Variants in PTGER3 observed in about 807,000 individuals in gnomAD.
PTGER3 encodes prostaglandin E receptor 3.
Under a neutral mutation model 34.7 loss-of-function variants are expected in PTGER3, and 22 were observed. That is an observed-to-expected ratio of 0.63 (90% confidence interval 0.45 to 0.91). PTGER3 has a LOEUF of 0.91. Among genes scored for constraint, PTGER3 ranks in the 40% least tolerant of loss-of-function variants. The pLI is 0.00. For synonymous variants in PTGER3, 241 were observed against 230.1 expected (o/e 1.05, Z -0.43); for missense variants, 468 against 519.4 (o/e 0.90, Z 0.96).
chr1:70,983,267 A>G (rs574247213), intron 2 of PTGER3, among the ~76,000 whole-genome samples: 3 of 134,614 alleles, frequency 2.2e-5, no homozygotes, highest in South Asian at 5.3e-4. Flanking sequence ...GATGTGCTTG[A>G]GTTTTTTAAT....
Position 70,902,165 on chromosome 1 carries a change from CA to C in PTGER3, c.*24-49307del, listed in dbSNP as rs558189258. On this transcript the variant is annotated intron_variant, in intron 4 of 4. Coordinates refer to the PTGER3 transcript ENST00000370931. ...AAAATAACAATAATTACTGCCACCA[CA>C]ATAATAATAATAAAGAAATGTCCAA... Among the ~76,000 whole-genome samples the C allele has an allele frequency of 2.5e-3, 380 of 152,202 alleles. 3 individuals carry two copies. Among genetic ancestry groups the C allele is most frequent in the African/African-American group, 8.3e-3 (346 of 41,538 alleles).
downstream of PTGER3, among the ~76,000 whole-genome samples, chr1:70,947,647 A>G (rs543869120): frequency 1.1e-4 from 17 of 152,246 alleles, no homozygotes; most frequent in South Asian, 2.1e-4. Flanking sequence ...TAACCTTCAC[A>G]TCGGACAATG....
intron 4 of PTGER3, among the ~76,000 whole-genome samples, chr1:70,890,111 A>G (rs918808755): frequency 1.3e-5 from 2 of 152,224 alleles, no homozygotes; most frequent in African/African-American, 4.8e-5. Context: ...TACACAGACC[A>G]CTAGACAAGG....
chr1:71,028,677 C>T (rs1218791124), intron 1 of PTGER3, among the ~76,000 whole-genome samples: 1 of 152,058 alleles, frequency 6.6e-6, no homozygotes, highest in Non-Finnish European at 1.5e-5. Flanking sequence ...CTTTAAACAC[C>T]AGGCATTAGA....
intron 2 of PTGER3, among the ~76,000 whole-genome samples, chr1:70,975,620 G>A (rs1389659827): frequency 6.6e-6 from 1 of 152,090 alleles, no homozygotes; most frequent in African/African-American, 2.4e-5. Flanking sequence ...ATCTTTAACT[G>A]TGTTAAGCAA....
At chr1:70,906,625 A>G (rs756461880) in intron 4 of PTGER3, among the ~76,000 whole-genome samples, 15 of 152,184 alleles carry the variant, frequency 9.9e-5, no homozygotes, top group South Asian at 4.1e-4. Flanking sequence ...AAATTACTTT[A>G]AAATAGGAAT....
At chr1:70,880,387 T>C (rs1048786440) in intron 4 of PTGER3, among the ~76,000 whole-genome samples, 4 of 151,750 alleles carry the variant, frequency 2.6e-5, no homozygotes, top group African/African-American at 9.7e-5. Flanking sequence ...TTTTTCTTTT[T>C]TTTTTTTTTA....
intron 2 of PTGER3, among the ~76,000 whole-genome samples, chr1:70,954,531 G>A (rs753319488): frequency 1.3e-5 from 2 of 152,084 alleles, no homozygotes; most frequent in African/African-American, 2.4e-5. Context: ...CTGCAAATGG[G>A]CATTAAGATC....
chr1:71,019,410 G>A (rs573657380), intron 1 of PTGER3, among the ~76,000 whole-genome samples: 1 of 152,206 alleles, frequency 6.6e-6, no homozygotes, highest in African/African-American at 2.4e-5. Flanking sequence ...CCTTCCCTGG[G>A]TTCCACGTGA....
At chr1:71,025,974 C>T (rs1169418127) in intron 1 of PTGER3, among the ~76,000 whole-genome samples, 2 of 152,132 alleles carry the variant, frequency 1.3e-5, no homozygotes, top group Non-Finnish European at 2.9e-5. Context: ...GTGAATCTGG[C>T]ATTGTGTGAT....
intron 1 of PTGER3, among the ~76,000 whole-genome samples, chr1:71,024,873 TTTTATTTATTTATTTA>T (rs139278168): frequency 0.11 from 16,305 of 144,900 alleles, 1,235 homozygotes; most frequent in East Asian, 0.23. Flanking sequence ...TACTTGATTC[TTTTATTTATTTATTTA>T]TTTATTTATT....
intron 4 of PTGER3, among the ~76,000 whole-genome samples, chr1:70,921,178 TA>T (rs1032111297): frequency 4.1e-4 from 63 of 152,214 alleles, no homozygotes; most frequent in African/African-American, 1.5e-3. Context: ...TTAAAAAAAT[TA>T]GGAAAGTCTT....
Position 70,960,303 on chromosome 1 carries a change from T to G in PTGER3, c.1078-6514A>C, listed in dbSNP as rs528208184. ...TTTCTTCACAGTTGTGCCAGAAAAT[T>G]GTCTCATTAGCTGATTAGTGACTCC... On this transcript the variant is annotated intron_variant, in intron 2 of 3. Coordinates refer to the PTGER3 transcript ENST00000356595. Among the ~76,000 whole-genome samples, 147 of 152,306 alleles carry G rather than the reference T, an allele frequency of 9.7e-4. 1 individual carries two copies. The highest frequency in any genetic ancestry group is 3.3e-3 in the African/African-American group (138 of 41,560).
At chr1:70,941,303 C>A (rs1231466362) in intron 4 of PTGER3, among the ~76,000 whole-genome samples, 1 of 152,074 alleles carries the variant, frequency 6.6e-6, no homozygotes, top group Non-Finnish European at 1.5e-5. Context: ...TAAACCACTG[C>A]TTTCATAATT....
chr1:70,978,786 G>A (rs976198599), intron 2 of PTGER3, among the ~76,000 whole-genome samples: 3 of 152,032 alleles, frequency 2.0e-5, no homozygotes, highest in African/African-American at 7.3e-5. Flanking sequence ...CCACCAAGAG[G>A]GTAGTGATCC....
At chr1:70,980,690 T>C (rs1228042061) in intron 2 of PTGER3, among the ~76,000 whole-genome samples, 2 of 152,112 alleles carry the variant, frequency 1.3e-5, no homozygotes, top group Non-Finnish European at 2.9e-5. Context: ...CAGAATCTGA[T>C]GCAATGACAC....
At chr1:70,932,666 G>A (rs1648823270) in intron 4 of PTGER3, among the ~76,000 whole-genome samples, 7 of 152,058 alleles carry the variant, frequency 4.6e-5, no homozygotes, top group Admixed American at 4.6e-4. Flanking sequence ...GGGGGAAATT[G>A]CACCCATGAT....
intron 3 of PTGER3, among the ~76,000 whole-genome samples, chr1:70,973,941 C>CGAACACGCTG (rs1653411124): frequency 6.6e-6 from 1 of 152,046 alleles, no homozygotes; most frequent in South Asian, 2.1e-4. Context: ...AGCCATATGG[C>CGAACACGCTG]GAACACGCTG....
intron 4 of PTGER3, among the ~76,000 whole-genome samples, chr1:70,931,960 C>A (rs1250313791): frequency 6.6e-6 from 1 of 152,140 alleles, no homozygotes; most frequent in Admixed American, 6.6e-5. Flanking sequence ...TGTCAGGCTA[C>A]AACTTTTCTG....
Sources: allele counts gnomAD v4.1 joint callset (sites outside exome capture counted in the v4.1 genomes callset), GRCh38; gene constraint gnomAD v4.1.1; transcripts MANE v1.5; gene names NCBI Gene and HGNC (gene_info 2026-07-23, HGNC 2026-07-21).